The following CSTA variants were observed in gnomAD, a reference collection of about 807,000 sequenced individuals.
CSTA encodes cystatin-A.
Under a neutral mutation model 9.2 loss-of-function variants are expected in CSTA, and 9 were observed. That is an observed-to-expected ratio of 0.97 (90% CI 0.59 to 1.70). The LOEUF is 1.70. Ranked by LOEUF, CSTA falls within the 40% of genes most tolerant of loss-of-function variation. The probability of loss-of-function intolerance (pLI) is 0.00; values close to 1 mark genes in which losing one functional copy is unlikely to be tolerated. For missense variants in CSTA, 118 were observed against 113.1 expected (o/e 1.04, Z -0.20); for synonymous variants, 36 against 40.6 (o/e 0.89, Z 0.43).
At chr3:122,327,761 C>T (rs1441517056) in intron 1 of CSTA, among the ~76,000 whole-genome samples, 1 of 151,900 alleles carries the variant, frequency 6.6e-6, no homozygotes, top group East Asian at 1.9e-4. Flanking sequence ...AAAAAATCCC[C>T]CTGAGACTCT....
chr3:122,332,253 T>G (rs1254786481), intron 1 of CSTA, among the ~76,000 whole-genome samples: 2 of 152,156 alleles, frequency 1.3e-5, no homozygotes, highest in African/African-American at 4.8e-5. Context: ...TCTATTCTCC[T>G]CTCTTCAGCC....
rs1362423041 is a variant in CSTA at position 122,341,967 on chromosome 3, A to G, written c.*400A>G. 4.0e-6 allele frequency: 1 copy of G among 247,818 alleles called. No individual in the cohort carries two copies. Among genetic ancestry groups the G allele is most frequent in the African/African-American group, 2.5e-5 (1 of 39,976 alleles). The allele number at this position is 247,818 out of a possible 1,614,324, so 15.4% of individuals were successfully genotyped here. A position where few individuals can be genotyped will look rare whatever the true frequency, so the allele number is the denominator to read the frequency against. ...TTCAAAATTAAATCAAGTATTTTAC[A>G]AAGTGTGTGTGTGTGTGTGTGTGTG... On this transcript the variant is annotated 3_prime_UTR_variant, in exon 3 of 3. Transcript: ENST00000264474.
chr3:122,337,529 CTCTTT>C lies in CSTA; in HGVS notation c.67-7_67-3del, dbSNP rs765556652. The stretch of plus-strand genomic sequence containing the variant: ...TAATATAGCTTTGATTATTTGTTTC[CTCTTT>C]TCTTTTCTTTAGGTTAAACCACAGC... On this transcript the variant is annotated splice_polypyrimidine_tract_variant and intron_variant, in intron 1 of 2. Coordinates refer to ENST00000264474, the MANE Select transcript of CSTA (RefSeq NM_005213.4). The C allele has an allele frequency of 6.5e-6, 10 of 1,536,832 alleles. No individual in the cohort carries two copies. In the East Asian group the frequency reaches 2.0e-4, roughly 31 times the overall value.
intron 1 of CSTA, among the ~76,000 whole-genome samples, chr3:122,331,653 T>A (rs2075205480): frequency 6.6e-6 from 1 of 152,184 alleles, no homozygotes; most frequent in Admixed American, 6.5e-5. Flanking sequence ...AAACTCACCA[T>A]TACAAACCTG....
chr3:122,325,390 G>C, intron 1 of CSTA, 32 bp downstream of exon 1: 1 of 1,602,234 alleles, frequency 6.2e-7, no homozygotes. Flanking sequence ...AAAAGTCTGA[G>C]CCAAAATCTT....
chr3:122,340,559 C>T (rs1186671069), intron 2 of CSTA, among the ~76,000 whole-genome samples: 2 of 152,224 alleles, frequency 1.3e-5, no homozygotes, highest in Non-Finnish European at 2.9e-5. Flanking sequence ...CCACCTTGGC[C>T]TCCCAAAGTG....
chr3:122,334,516 G>A (rs1277608677), intron 1 of CSTA, among the ~76,000 whole-genome samples: 1 of 152,060 alleles, frequency 6.6e-6, no homozygotes, highest in Non-Finnish European at 1.5e-5. Flanking sequence ...CCTGCCCACT[G>A]ATAGGAAGGA....
chr3:122,331,487 C>T (rs1425335143), intron 1 of CSTA, among the ~76,000 whole-genome samples: 1 of 152,134 alleles, frequency 6.6e-6, no homozygotes, highest in Non-Finnish European at 1.5e-5. Context: ...AGGGTAGCTT[C>T]AAATACTCCT....
chr3:122,340,791 GA>G (rs952355320), intron 2 of CSTA, among the ~76,000 whole-genome samples: 9 of 152,132 alleles, frequency 5.9e-5, no homozygotes. Flanking sequence ...TTGAGAGTCA[GA>G]AAACAGTATC....
chr3:122,327,860 T>C lies in CSTA; in HGVS notation c.66+2502T>C, dbSNP rs1229310682. 2.0e-5 allele frequency among the ~76,000 whole-genome samples: 3 copies of C among 152,184 alleles called. No homozygotes were observed. The East Asian group carries it at 5.8e-4, about 29-fold the overall frequency. The stretch of plus-strand genomic sequence containing the variant: ...TTTTAATGATTTTTAAAAAAATCTA[T>C]CACTCGATTAGCAAGAATTATTAAT... On this transcript the variant is annotated intron_variant, in intron 1 of 2. Coordinates refer to ENST00000264474, the MANE Select transcript of CSTA (RefSeq NM_005213.4).
intron 2 of CSTA, among the ~76,000 whole-genome samples, chr3:122,340,031 A>C (rs1380451991): frequency 6.6e-6 from 1 of 152,214 alleles, no homozygotes; most frequent in Non-Finnish European, 1.5e-5. Context: ...CTTCAGGCCT[A>C]TAATATAGGT....
At chr3:122,340,826 G>A (rs1033926686) in intron 2 of CSTA, among the ~76,000 whole-genome samples, 1 of 152,056 alleles carries the variant, frequency 6.6e-6, no homozygotes, top group Non-Finnish European at 1.5e-5. Context: ...GCTATCACTT[G>A]TTTTCTTGCT....
intron 1 of CSTA, among the ~76,000 whole-genome samples, chr3:122,333,596 AAGAG>A (rs1257530530): frequency 1.1e-4 from 16 of 149,640 alleles, no homozygotes; most frequent in African/African-American, 3.4e-4. Context: ...AGAAAGAAGA[AAGAG>A]AGAGAGAGGA....
chr3:122,333,622 G>A (rs1276526197), intron 1 of CSTA, among the ~76,000 whole-genome samples: 8 of 136,198 alleles, frequency 5.9e-5, no homozygotes, highest in Admixed American at 4.0e-4. Context: ...GGAAGGAAAA[G>A]GAAAGGAAAG....
intron 2 of CSTA, among the ~76,000 whole-genome samples, chr3:122,339,479 T>A (rs1361463837): frequency 6.6e-6 from 1 of 151,974 alleles, no homozygotes; most frequent in East Asian, 1.9e-4. Context: ...AAGAGCAGAG[T>A]CAGGATTTGA....
intron 1 of CSTA, among the ~76,000 whole-genome samples, chr3:122,326,342 T>C (rs2075170664): frequency 6.6e-6 from 1 of 152,270 alleles, no homozygotes; most frequent in African/African-American, 2.4e-5. Context: ...TGATATATTT[T>C]TCTTTGTGTG....
Position 122,341,718 on chromosome 3 carries a change from T to G in CSTA, c.*151T>G, listed in dbSNP as rs1025814793. ...TTTATTGTATTAAGCAGAAATTACCTTTTCTTTCTCAAAATCAGTGTTATT... is the reference window on the plus strand; with the variant it reads ...TTTATTGTATTAAGCAGAAATTACCGTTTCTTTCTCAAAATCAGTGTTATT... On this transcript the variant is annotated 3_prime_UTR_variant, in exon 3 of 3. Transcript: ENST00000264474. 1.0e-6 allele frequency: 1 copy of G among 963,224 alleles called. No individual in the cohort carries two copies. The highest frequency in any genetic ancestry group is 1.6e-5 in the South Asian group (1 of 63,292). The allele number at this position is 963,224 out of a possible 1,614,324, so 59.7% of individuals were successfully genotyped here.
At chr3:122,334,687 T>C (rs918759644) in intron 1 of CSTA, among the ~76,000 whole-genome samples, 1 of 151,992 alleles carries the variant, frequency 6.6e-6, no homozygotes, top group Non-Finnish European at 1.5e-5. Context: ...AGAATTGGGG[T>C]TGAAGGACAA....
Position 122,329,947 on chromosome 3 carries a change from G to A in CSTA, c.66+4589G>A, listed in dbSNP as rs2075194539. Among the ~76,000 whole-genome samples, 4 of 152,166 alleles carry A rather than the reference G, an allele frequency of 2.6e-5. No individual in the cohort carries two copies. The South Asian group carries it at 6.2e-4, about 24-fold the overall frequency. On this transcript the variant is annotated intron_variant, in intron 1 of 2. Coordinates refer to ENST00000264474, the MANE Select transcript of CSTA (RefSeq NM_005213.4). ...CCCTCTCTTGCAGGAGTGAGCCTTA[G>A]GGCACAATTTCCAATTCAGTGTTAG... is the stretch of plus-strand genomic sequence containing the variant.
Sources: allele counts gnomAD v4.1 joint callset (sites outside exome capture counted in the v4.1 genomes callset), GRCh38; gene constraint gnomAD v4.1.1; transcripts MANE v1.5; gene names NCBI Gene and HGNC (gene_info 2026-07-23, HGNC 2026-07-21).